The following PRUNE2 variants were observed in gnomAD, a reference collection of about 807,000 sequenced individuals.
PRUNE2 encodes the protein protein prune homolog 2.
A neutral mutation model predicts 252.0 loss-of-function variants in PRUNE2; 164 were observed. The observed-to-expected ratio is 0.65, with a 90% CI of 0.57 to 0.74. PRUNE2 has a LOEUF of 0.74. PRUNE2 is among the 30% of genes least tolerant of loss of function. The probability of loss-of-function intolerance (pLI) is 0.00; values close to 1 mark genes in which losing one functional copy is unlikely to be tolerated. For synonymous variants in PRUNE2, 1,292 were observed against 1,350.2 expected (o/e 0.96, Z 0.94); for missense variants, 3,495 against 3,711.0 (o/e 0.94, Z 1.51).
chr9:76,638,580 G>C (rs1477412440), intron 12 of PRUNE2, among the ~76,000 whole-genome samples: 1 of 152,020 alleles, frequency 6.6e-6, no homozygotes, highest in African/African-American at 2.4e-5. Flanking sequence ...GTTGTGAAGA[G>C]GGTGTGTAAA....
In PRUNE2 at chr9:76,846,695, G is replaced by A. The variant is rs912782133; in HGVS notation, c.345-17C>T. The A allele has an allele frequency of 8.1e-6, 13 of 1,607,374 alleles. No homozygotes were observed. Among genetic ancestry groups the A allele is most frequent in the Non-Finnish European group, 6.8e-6 (8 of 1,174,282 alleles). On this transcript the variant is annotated splice_polypyrimidine_tract_variant and intron_variant, in intron 3 of 18. Coordinates refer to ENST00000376718, the MANE Select transcript of PRUNE2 (RefSeq NM_015225.3). Reference sequence around the variant, plus strand: ...TTGTCTTCACTGTAAAGCAAATGGAGGGGAGGAAGAGAAAGGGATATGGCA... The same window carrying A: ...TTGTCTTCACTGTAAAGCAAATGGAAGGGAGGAAGAGAAAGGGATATGGCA...
At chr9:76,886,493 A>T (rs943964306) in intron 1 of PRUNE2, among the ~76,000 whole-genome samples, 9 of 152,106 alleles carry the variant, frequency 5.9e-5, no homozygotes, top group African/African-American at 2.2e-4. Flanking sequence ...AGCTTTACCC[A>T]TTTCTACCAG....
chr9:76,614,498 G>T lies in PRUNE2; in HGVS notation c.*72C>A. On this transcript the variant is annotated 3_prime_UTR_variant, in exon 19 of 19. Transcript: ENST00000376718. Reference sequence around the variant, plus strand: ...AGTGGAAAAAGGTAACATCAGCCCTGTCTCTTTCAGGTAGATATGTTTCAA... The same window carrying T: ...AGTGGAAAAAGGTAACATCAGCCCTTTCTCTTTCAGGTAGATATGTTTCAA... 7.8e-7 allele frequency: 1 copy of T among 1,274,788 alleles called. No individual in the cohort carries two copies. Among genetic ancestry groups the T allele is most frequent in the Non-Finnish European group, 1.1e-6 (1 of 874,180 alleles). The allele number at this position is 1,274,788 out of a possible 1,614,324, so 79.0% of individuals were successfully genotyped here.
At chr9:76,884,004 G>C (rs527319366) in intron 1 of PRUNE2, among the ~76,000 whole-genome samples, 12 of 152,328 alleles carry the variant, frequency 7.9e-5, no homozygotes, top group Admixed American at 5.2e-4. Context: ...CTGAGAGTGT[G>C]TATGCAATAA....
chr9:76,865,361 A>C (rs1032119455), intron 1 of PRUNE2, among the ~76,000 whole-genome samples: 1 of 152,216 alleles, frequency 6.6e-6, no homozygotes, highest in Non-Finnish European at 1.5e-5. Context: ...AAAATGTATT[A>C]CAATGTTCCT....
chr9:76,688,250 C>T lies in PRUNE2; in HGVS notation c.8276+15087G>A, dbSNP rs75542590. Among the ~76,000 whole-genome samples, 59 of 152,248 alleles carry T rather than the reference C, an allele frequency of 3.9e-4. No individual in the cohort carries two copies. The East Asian group carries it at 0.011, about 28-fold the overall frequency. ...TAGATACAGAGGTCTGCAGACCTGC[C>T]CTCTTGGCAACAAAGAAAGTGTAGT... On this transcript the variant is annotated intron_variant, in intron 9 of 18. Transcript: ENST00000376718.
At chr9:76,817,026 T>G (rs191849745) in intron 6 of PRUNE2, among the ~76,000 whole-genome samples, 165 of 152,308 alleles carry the variant, frequency 1.1e-3, no homozygotes, top group African/African-American at 3.8e-3. Flanking sequence ...TGGATTATGT[T>G]TATAGTTCAA....
intron 6 of PRUNE2, among the ~76,000 whole-genome samples, chr9:76,793,503 A>C (rs1013555061): frequency 1.3e-5 from 2 of 152,198 alleles, no homozygotes; most frequent in Non-Finnish European, 1.5e-5. Context: ...CACTGATGGC[A>C]ACAGATACTG....
chr9:76,705,992 T>C lies in PRUNE2; in HGVS notation c.6282A>G (p.Glu2094=). ...CGGAAGCCTGAGAATTGCTGTCATG[T>C]TCGCAGTGCGTCAGGATATCAGGAT... The part of the protein sequence containing the change: ...GENPDILTHC[E]HDSNSQASDS... The change falls in exon 8 of 19, where the codon GAA becomes GAG. Residue 2094 remains glutamate (E), a synonymous_variant. Transcript: ENST00000376718. The C allele has an allele frequency of 6.2e-7, 1 of 1,614,054 alleles. No individual in the cohort carries two copies. Among genetic ancestry groups the C allele is most frequent in the Middle Eastern group, 1.6e-4 (1 of 6,062 alleles).
At chr9:76,864,065 G>C (rs1265264379) in intron 1 of PRUNE2, among the ~76,000 whole-genome samples, 1 of 152,102 alleles carries the variant, frequency 6.6e-6, no homozygotes, top group Admixed American at 6.5e-5. Flanking sequence ...ACGTGGATTG[G>C]ATAAAGAAAA....
chr9:76,863,869 C>T (rs7847552), intron 1 of PRUNE2, among the ~76,000 whole-genome samples: 10,766 of 152,134 alleles, frequency 0.071, 1,258 homozygotes, highest in African/African-American at 0.25. Context: ...TCAGCCACTG[C>T]GGAAAGCAGC....
At chr9:76,904,432 G>A (rs1190312619) in intron 1 of PRUNE2, among the ~76,000 whole-genome samples, 1 of 152,098 alleles carries the variant, frequency 6.6e-6, no homozygotes, top group Non-Finnish European at 1.5e-5. Context: ...TAAATGTTAT[G>A]GGAGTGAAAA....
chr9:76,793,663 G>C (rs963832472), intron 6 of PRUNE2, among the ~76,000 whole-genome samples: 1 of 151,824 alleles, frequency 6.6e-6, no homozygotes, highest in Non-Finnish European at 1.5e-5. Flanking sequence ...CTTAGACTTA[G>C]AATCATAGAA....
At chr9:76,730,027 A>C (rs2048427246) in intron 6 of PRUNE2, among the ~76,000 whole-genome samples, 1 of 152,232 alleles carries the variant, frequency 6.6e-6, no homozygotes, top group African/African-American at 2.4e-5. Flanking sequence ...CAAAGCATTA[A>C]TCTTAGAAAT....
intron 1 of PRUNE2, among the ~76,000 whole-genome samples, chr9:76,884,928 T>C (rs1384155368): frequency 6.6e-6 from 1 of 152,232 alleles, no homozygotes; most frequent in African/African-American, 2.4e-5. Context: ...GACATATTTC[T>C]GCTTCTGGAA....
rs1312266912 is a variant in PRUNE2, at chr9:76,705,736, A to G, written c.6538T>C (p.Ser2180Pro). Residue 2180 changes from serine to proline, a missense_variant, in exon 8 of 19, where the codon TCC becomes CCC. By Grantham distance (74) the Ser-to-Pro change is moderately conservative. Transcript: ENST00000376718. ...CCTTTATGAGAGGCGGGCTGAGAGG[A>G]GCCCTTTATGTCTGCTTGATAGCCA... ...PIGYQADIKG[S>P]SQPASHKGSP... The G allele has an allele frequency of 1.2e-6, 2 of 1,613,934 alleles. No individual in the cohort carries two copies. Among genetic ancestry groups the G allele is most frequent in the Non-Finnish European group, 1.7e-6 (2 of 1,179,876 alleles).
chr9:76,648,616 A>G (rs1845925879), intron 11 of PRUNE2, among the ~76,000 whole-genome samples: 1 of 152,200 alleles, frequency 6.6e-6, no homozygotes, highest in African/African-American at 2.4e-5. Context: ...AGGCAAAACT[A>G]TGGAGACAGT....
At chr9:76,746,472 G>T (rs935182641) in intron 6 of PRUNE2, among the ~76,000 whole-genome samples, 1 of 151,932 alleles carries the variant, frequency 6.6e-6, no homozygotes, top group African/African-American at 2.4e-5. Flanking sequence ...TTGGGAGGCC[G>T]AGGCGGGTGG....
rs187086466 is a variant in PRUNE2, at chr9:76,755,800, C to G, written c.757-42079G>C. On this transcript the variant is annotated intron_variant, in intron 6 of 18. Coordinates refer to ENST00000376718, the MANE Select transcript of PRUNE2 (RefSeq NM_015225.3). ...TCACTGCAGGTCGACTTCCCTAGTT[C>G]AAACGATTGTCTCGCTTCAGCCCGC... Among the ~76,000 whole-genome samples, 461 of 152,262 alleles carry G rather than the reference C, an allele frequency of 3.0e-3. 4 individuals carry two copies. The highest frequency in any genetic ancestry group is 0.014 in the Middle Eastern group (4 of 294).
Sources: gnomAD v4.1 joint callset for allele counts (sites outside exome capture counted in the v4.1 genomes callset) on GRCh38, gnomAD v4.1.1 for gene constraint, MANE v1.5 for transcripts, NCBI Gene and HGNC (gene_info 2026-07-23, HGNC 2026-07-21) for gene names.